SPATS2: variants seen among roughly 807,000 people sequenced by gnomAD.
SPATS2 encodes the protein spermatogenesis associated serine rich 2, also known as spermatogenesis-associated serine-rich protein 2.
Under a neutral mutation model 63.7 loss-of-function variants are expected in SPATS2, and 38 were observed. The ratio of observed to expected loss-of-function variants is 0.60; its 90% confidence interval spans 0.46 to 0.78. The LOEUF is 0.78. Ranked by LOEUF, SPATS2 falls within the 30% of genes least tolerant of loss-of-function variation. The pLI, the probability that SPATS2 is intolerant of heterozygous loss-of-function variation, is 0.00. For synonymous variants in SPATS2, 207 were observed against 232.9 expected (o/e 0.89, Z 1.01); for missense variants, 588 against 666.2 (o/e 0.88, Z 1.29).
intron 9 of SPATS2, among the ~76,000 whole-genome samples, chr12:49,507,326 G>A (rs1018550572): frequency 2.6e-5 from 4 of 152,086 alleles, no homozygotes; most frequent in East Asian, 1.9e-4. Flanking sequence ...TTACACTGGC[G>A]GAAAGGTTGG....
chr12:49,498,145 A>AAAATATATATAT (rs66900382), intron 8 of SPATS2, among the ~76,000 whole-genome samples: 1,044 of 98,808 alleles, frequency 0.011, 14 homozygotes, highest in African/African-American at 0.02. Context: ...AAAAAAAAAA[A>AAAATATATATAT]ATATATATAT....
intron 2 of SPATS2, among the ~76,000 whole-genome samples, chr12:49,436,519 C>CG (rs1241738726): frequency 6.3e-5 from 8 of 127,556 alleles, no homozygotes; most frequent in Admixed American, 2.2e-4. Flanking sequence ...GCTGGCCGGG[C>CG]GGGGGGCTGA....
At chr12:49,422,627 A>T (rs1945002827) in intron 2 of SPATS2, among the ~76,000 whole-genome samples, 1 of 152,168 alleles carries the variant, frequency 6.6e-6, no homozygotes, top group Non-Finnish European at 1.5e-5. Flanking sequence ...TAGGGTTGGC[A>T]TGGTGGCTCA....
chr12:49,505,574 A>C (rs1180142757), intron 9 of SPATS2, among the ~76,000 whole-genome samples: 1 of 152,202 alleles, frequency 6.6e-6, no homozygotes, highest in Non-Finnish European at 1.5e-5. Context: ...GTGTCATGTC[A>C]GTGCTCAAAA....
chr12:49,383,070 T>G (rs964840718), intron 2 of SPATS2, among the ~76,000 whole-genome samples: 2 of 151,814 alleles, frequency 1.3e-5, no homozygotes, highest in Non-Finnish European at 2.9e-5. Flanking sequence ...CAGGCTGGAG[T>G]GCAGTGGCAC....
chr12:49,500,099 C>A lies in SPATS2; in HGVS notation c.733C>A (p.Leu245Ile). The change falls in exon 9 of 14, where the codon CTC becomes ATC. Residue 245 changes from leucine (L) to isoleucine (I), a missense_variant. Coordinates refer to ENST00000552918, the MANE Select transcript of SPATS2 (RefSeq NM_023071.4). Reference sequence around the variant, plus strand: ...CAATATTGAAAAATCTGTAAAAGACCTCCAGCGCTGCACAGTGTCTCTTGC... The same window carrying A: ...CAATATTGAAAAATCTGTAAAAGACATCCAGCGCTGCACAGTGTCTCTTGC... ...SSNIEKSVKD[L>I]QRCTVSLARY... 1 of 1,554,580 alleles carries A rather than the reference C, an allele frequency of 6.4e-7. No homozygotes were observed. The highest frequency in any genetic ancestry group is 2.0e-5 in the Admixed American group (1 of 51,192).
At chr12:49,393,313 CCAT>C in intron 2 of SPATS2, among the ~76,000 whole-genome samples, 1 of 152,232 alleles carries the variant, frequency 6.6e-6, no homozygotes, top group East Asian at 1.9e-4. Context: ...TAAAAGTTCT[CCAT>C]CAGCCTTTCA....
intron 9 of SPATS2, among the ~76,000 whole-genome samples, chr12:49,510,408 T>TA (rs1335773893): frequency 6.6e-6 from 1 of 150,826 alleles, no homozygotes; most frequent in African/African-American, 2.4e-5. Flanking sequence ...ACAAAAAATG[T>TA]AAAAAATTAG....
At chr12:49,461,379 C>A in intron 3 of SPATS2, 1 of 228,140 alleles carries the variant, frequency 4.4e-6, no homozygotes, top group Non-Finnish European at 8.4e-6. Flanking sequence ...GGCAGTGGAG[C>A]AAGAGTAAAT....
chr12:49,422,903 C>T (rs951022255), intron 2 of SPATS2, among the ~76,000 whole-genome samples: 1 of 150,836 alleles, frequency 6.6e-6, no homozygotes, highest in Non-Finnish European at 1.5e-5. Context: ...CAGAACCAGA[C>T]CCTATTTAAA....
intron 3 of SPATS2, among the ~76,000 whole-genome samples, chr12:49,466,715 T>C (rs1341717171): frequency 6.6e-6 from 1 of 152,212 alleles, no homozygotes; most frequent in African/African-American, 2.4e-5. Flanking sequence ...AAATATAGTT[T>C]AATAAGTAAG....
chr12:49,372,940 T>TTG (rs56940721), intron 2 of SPATS2, among the ~76,000 whole-genome samples: 10,220 of 129,818 alleles, frequency 0.079, 467 homozygotes, highest in East Asian at 0.11. Flanking sequence ...ATTTTCTGTT[T>TTG]TGTGTGTGTG....
At chr12:49,459,191 G>T (rs1238277297) in intron 2 of SPATS2, among the ~76,000 whole-genome samples, 1 of 152,132 alleles carries the variant, frequency 6.6e-6, no homozygotes, top group Non-Finnish European at 1.5e-5. Context: ...CTTCGGCAAT[G>T]TCCAGGAAGA....
chr12:49,467,750 G>A (rs1210624721), intron 3 of SPATS2, among the ~76,000 whole-genome samples: 1 of 151,970 alleles, frequency 6.6e-6, no homozygotes, highest in African/African-American at 2.4e-5. Flanking sequence ...CCAGGCTAGA[G>A]TGCAGTGCAG....
intron 2 of SPATS2, among the ~76,000 whole-genome samples, chr12:49,398,135 CAAAAAA>C (rs71080193): frequency 6.6e-4 from 30 of 45,378 alleles, no homozygotes; most frequent in African/African-American, 2.2e-3. Context: ...GACCCTGTCT[CAAAAAA>C]AAAAAAAAAA....
chr12:49,521,039 G>A (rs1946933335), intron 11 of SPATS2, among the ~76,000 whole-genome samples: 1 of 152,170 alleles, frequency 6.6e-6, no homozygotes, highest in Admixed American at 6.5e-5. Context: ...ATAAAGAACA[G>A]TGTTTCTGAG....
intron 3 of SPATS2, among the ~76,000 whole-genome samples, chr12:49,481,079 A>G (rs1946197638): frequency 1.3e-5 from 2 of 152,200 alleles, no homozygotes; most frequent in African/African-American, 4.8e-5. Flanking sequence ...AACCTGTAGT[A>G]TTTACAAATA....
intron 2 of SPATS2, among the ~76,000 whole-genome samples, chr12:49,421,416 CAAAAAAAAAAAAAA>C (rs71080195): frequency 1.2e-4 from 6 of 52,110 alleles, no homozygotes; most frequent in East Asian, 7.2e-4. Context: ...GACTTTGTCT[CAAAAAAAAAAAAAA>C]AAAAAAAAAA....
intron 3 of SPATS2, among the ~76,000 whole-genome samples, chr12:49,473,114 TG>T (rs1946065912): frequency 6.9e-6 from 1 of 145,798 alleles, no homozygotes; most frequent in Non-Finnish European, 1.5e-5. Context: ...AAAGAGTGTA[TG>T]GGGAACAATA....
Sources: gnomAD v4.1 joint callset for allele counts (sites outside exome capture counted in the v4.1 genomes callset) on GRCh38, gnomAD v4.1.1 for gene constraint, MANE v1.5 for transcripts, NCBI Gene and HGNC (gene_info 2026-07-23, HGNC 2026-07-21) for gene names.